EVL: variants seen among roughly 807,000 people sequenced by gnomAD.
EVL encodes the protein ena/VASP-like protein.
In EVL, 21 loss-of-function variants were observed where a neutral mutation model predicts 59.6. The ratio of observed to expected loss-of-function variants is 0.35; its 90% confidence interval spans 0.25 to 0.51. EVL has a LOEUF of 0.51. Ranked by LOEUF, EVL falls within the 20% of genes least tolerant of loss-of-function variation. The pLI is 0.97. For synonymous variants in EVL, 198 were observed against 203.5 expected (o/e 0.97, Z 0.23); for missense variants, 462 against 546.6 (o/e 0.85, Z 1.54).
At chr14:100,135,851 C>A (rs1888747759) in intron 8 of EVL, 54 bp from the exon 9 acceptor site, 1 of 1,547,424 alleles carries the variant, frequency 6.5e-7, no homozygotes, top group Non-Finnish European at 8.9e-7. Flanking sequence ...CAATGATGTC[C>A]TGCCCTGGCC....
chr14:100,110,819 C>T (rs760800078), intron 3 of EVL, among the ~76,000 whole-genome samples: 15 of 152,212 alleles, frequency 9.9e-5, no homozygotes, highest in Non-Finnish European at 1.9e-4. Context: ...ATCTCCCTAA[C>T]GCTAATGGCG....
chr14:100,015,940 C>A (rs1211849), intron 1 of EVL, among the ~76,000 whole-genome samples: 54,729 of 151,636 alleles, frequency 0.36, 13,833 homozygotes, highest in African/African-American at 0.72. Context: ...TTAGCCAGGC[C>A]TGGTGGTGCA....
chr14:100,043,317 A>G (rs2061496606), intron 1 of EVL, among the ~76,000 whole-genome samples: 1 of 151,852 alleles, frequency 6.6e-6, no homozygotes, highest in Non-Finnish European at 1.5e-5. Flanking sequence ...GTGTATATGT[A>G]TATGTATAGA....
At chr14:100,038,805 T>TGTGTGTGTGTGTGTGTGTGTGTG (rs1555415165) in intron 1 of EVL, among the ~76,000 whole-genome samples, 2 of 151,030 alleles carry the variant, frequency 1.3e-5, no homozygotes, top group African/African-American at 2.4e-5. Context: ...TGTGTGTGTG[T>TGTGTGTGTGTGTGTGTGTGTGTG]TGCTGTAAAG....
At chr14:100,104,637 A>G (rs1595184553) in intron 3 of EVL, among the ~76,000 whole-genome samples, 4 of 152,168 alleles carry the variant, frequency 2.6e-5, no homozygotes, top group Admixed American at 2.6e-4. Flanking sequence ...AGCTCCCGTT[A>G]TGATGGGGAT....
chr14:100,043,171 C>T (rs974415271), intron 1 of EVL, among the ~76,000 whole-genome samples: 2 of 151,928 alleles, frequency 1.3e-5, no homozygotes, highest in African/African-American at 4.8e-5. Flanking sequence ...AGGTTAGGAA[C>T]CCCTCTGTAT....
intron 1 of EVL, among the ~76,000 whole-genome samples, chr14:100,026,840 C>T (rs1390913153): frequency 6.6e-6 from 1 of 152,202 alleles, no homozygotes. Flanking sequence ...AAGTAAGTCA[C>T]AGTCCCTAAC....
chr14:100,137,326 G>C, intron 9 of EVL: 1 of 551,744 alleles, frequency 1.8e-6, no homozygotes, highest in Non-Finnish European at 3.3e-6. Flanking sequence ...TTACCAGCAG[G>C]CTCACATTCC....
At chr14:100,008,675 A>G (rs1442224402) in intron 1 of EVL, among the ~76,000 whole-genome samples, 1 of 152,234 alleles carries the variant, frequency 6.6e-6, no homozygotes, top group Non-Finnish European at 1.5e-5. Flanking sequence ...TAGTATGAAT[A>G]TATCTTTTAA....
chr14:100,047,517 CA>C (rs2061573259), intron 1 of EVL, among the ~76,000 whole-genome samples: 1 of 152,160 alleles, frequency 6.6e-6, no homozygotes, highest in Non-Finnish European at 1.5e-5. Context: ...TGCTCCGGGA[CA>C]GACAGCCCTG....
rs1595224756 is a variant in EVL, at chr14:100,124,657, G to C, written c.422+1055G>C. Among the ~76,000 whole-genome samples the C allele has an allele frequency of 2.0e-5, 3 of 152,340 alleles. No homozygotes were observed. In the Middle Eastern group the frequency reaches 0.01, roughly 518 times the overall value. ...CACTCCAGCTGCAGCTCCCTGCCGG[G>C]ACCCAAGGCTGGTCCCACCCACAAA... is the stretch of plus-strand genomic sequence containing the variant. On this transcript the variant is annotated intron_variant, in intron 4 of 13. Coordinates refer to ENST00000392920, the MANE Select transcript of EVL (RefSeq NM_016337.3).
Position 100,056,113 on chromosome 14 carries a change from G to A in EVL, c.6-28574G>A, listed in dbSNP as rs190725258. ...GCGTGAGCCACCGCGCCTGGCCCAC[G>A]TTGTTTTCGTATCAGTTCTGTTTGG... On this transcript the variant is annotated intron_variant, in intron 1 of 13. Transcript: ENST00000402714. Among the ~76,000 whole-genome samples the A allele has an allele frequency of 3.6e-3, 549 of 152,128 alleles. 3 individuals are homozygous for A. The highest frequency in any genetic ancestry group is 0.013 in the African/African-American group (541 of 41,538).
chr14:100,009,753 T>G (rs1389854011), intron 1 of EVL, among the ~76,000 whole-genome samples: 1 of 152,230 alleles, frequency 6.6e-6, no homozygotes, highest in Admixed American at 6.5e-5. Flanking sequence ...GTGGTCACGG[T>G]ACAGCTTAGT....
chr14:100,126,335 G>C (rs1888067225), intron 4 of EVL, among the ~76,000 whole-genome samples: 1 of 152,244 alleles, frequency 6.6e-6, no homozygotes, highest in Admixed American at 6.5e-5. Flanking sequence ...GCTTGGCCAG[G>C]TCCACTAAGA....
Position 100,118,654 on chromosome 14 carries a change from A to G in EVL, c.359-4885A>G, listed in dbSNP as rs528836835. Among the ~76,000 whole-genome samples the G allele has an allele frequency of 9.8e-4, 149 of 152,242 alleles. 1 individual carries two copies. The highest frequency in any genetic ancestry group is 4.6e-3 in the Admixed American group (71 of 15,296). On this transcript the variant is annotated intron_variant, in intron 3 of 13. Transcript: ENST00000392920. The stretch of plus-strand genomic sequence containing the variant: ...CTCCTGGCCCCACTCCCCATCAGTC[A>G]TATAGACTCTGCCCTGAGTCTGTCA...
chr14:100,143,640 G>C, intron 13 of EVL, 61 bp from the exon 14 acceptor site: 1 of 1,604,282 alleles, frequency 6.2e-7, no homozygotes, highest in Middle Eastern at 1.9e-4. Context: ...GCGGGGCCCT[G>C]ATGAGGAACC....
intron 9 of EVL, 142 bp downstream of exon 9, chr14:100,136,110 G>A: frequency 3.7e-6 from 3 of 803,564 alleles, no homozygotes; most frequent in South Asian, 1.6e-5. Flanking sequence ...CATTTCTTAT[G>A]GGTCCCCCAG....
chr14:100,067,248 A>T (rs911504239), intron 1 of EVL, among the ~76,000 whole-genome samples: 5 of 152,316 alleles, frequency 3.3e-5, no homozygotes, highest in Admixed American at 2.6e-4. Context: ...GTTTTTCCTC[A>T]TGCTGACTGA....
chr14:100,004,843 C>G (rs2060968286), intron 1 of EVL, among the ~76,000 whole-genome samples: 3 of 151,954 alleles, frequency 2.0e-5, no homozygotes, highest in Admixed American at 2.0e-4. Context: ...AATTGTTCAC[C>G]TTTTTAAAAA....
Sources: allele counts gnomAD v4.1 joint callset (sites outside exome capture counted in the v4.1 genomes callset), GRCh38; gene constraint gnomAD v4.1.1; transcripts MANE v1.5; gene names NCBI Gene and HGNC (gene_info 2026-07-23, HGNC 2026-07-21).